The following CRTAP variants were observed in gnomAD, a reference collection of about 807,000 sequenced individuals.
The protein encoded by CRTAP is cartilage-associated protein.
A neutral mutation model predicts 42.7 loss-of-function variants in CRTAP; 33 were observed. That is an observed-to-expected ratio of 0.77 (90% CI 0.59 to 1.03). The LOEUF (loss-of-function observed/expected upper bound fraction) is 1.03. CRTAP is among the 50% of genes least tolerant of loss of function. The pLI is 0.00. For synonymous variants in CRTAP, 243 were observed against 217.7 expected, an observed-to-expected ratio of 1.12 and a Z score of -1.02; for missense variants, 613 against 533.9, an observed-to-expected ratio of 1.15 and a Z score of -1.46.
At chr3:33,129,913 C>T in intron 3 of CRTAP, 26 bp from the exon 4 acceptor site, 4 of 1,608,898 alleles carry the variant, frequency 2.5e-6, no homozygotes, top group Non-Finnish European at 3.4e-6. Context: ...ATCCACTGCT[C>T]TGAAAATTTA....
chr3:33,133,261 CTTTTTT>C (rs11316535), intron 5 of CRTAP, among the ~76,000 whole-genome samples: 2 of 134,466 alleles, frequency 1.5e-5, no homozygotes, highest in Non-Finnish European at 1.6e-5. Flanking sequence ...TTCTCTCTCT[CTTTTTT>C]TTTTTTTTTG....
chr3:33,122,215 G>C (rs2029898915), intron 2 of CRTAP, among the ~76,000 whole-genome samples: 1 of 152,032 alleles, frequency 6.6e-6, no homozygotes, highest in African/African-American at 2.4e-5. Flanking sequence ...GAGCCCTTTT[G>C]GGGTGGCTGT....
chr3:33,129,535 C>CT (rs753545426), intron 3 of CRTAP, among the ~76,000 whole-genome samples: 36,930 of 115,830 alleles, frequency 0.32, 7,750 homozygotes, highest in Non-Finnish European at 0.46. Flanking sequence ...TTTTCTTTTT[C>CT]TTTTTTTTTT....
intron 6 of CRTAP, among the ~76,000 whole-genome samples, chr3:33,134,708 A>G (rs922857271): frequency 6.6e-6 from 1 of 151,970 alleles, no homozygotes; most frequent in African/African-American, 2.4e-5. Flanking sequence ...TCCTGATTCC[A>G]CCTTACTCAG....
intron 4 of CRTAP, 102 bp from the exon 5 acceptor site, chr3:33,132,453 G>A (rs891021078): frequency 6.5e-7 from 1 of 1,529,672 alleles, no homozygotes; most frequent in African/African-American, 1.4e-5. Flanking sequence ...AAGAAGGACT[G>A]TGGAGAAGGG....
rs753473622 is a variant in CRTAP, at chr3:33,132,610, G to A, written c.978G>A (p.Gln326=). 1 of 1,614,174 alleles carries A rather than the reference G, an allele frequency of 6.2e-7. No individual in the cohort carries two copies. Among genetic ancestry groups the A allele is most frequent in the Non-Finnish European group, 8.5e-7 (1 of 1,180,014 alleles). ...CAGTCAGCTATCTGCTCTTTGATCA[G>A]AATGACAAGGTCATGCAGCAGAACC... ...PCAVSYLLFD[Q]NDKVMQQNLV... The change falls in exon 5 of 7, where the codon CAG becomes CAA. Residue 326 remains glutamine (Q), a synonymous_variant. Coordinates refer to ENST00000320954, the MANE Select transcript of CRTAP (RefSeq NM_006371.5).
At chr3:33,134,862 G>T (rs1055150989) in intron 6 of CRTAP, among the ~76,000 whole-genome samples, 1 of 152,184 alleles carries the variant, frequency 6.6e-6, no homozygotes, top group Admixed American at 6.5e-5. Flanking sequence ...GAAAGCTGGG[G>T]ACTTGTCAGC....
intron 5 of CRTAP, among the ~76,000 whole-genome samples, 154 bp downstream of exon 5, chr3:33,132,854 C>T (rs1575518811): frequency 1.3e-5 from 2 of 151,978 alleles, no homozygotes; most frequent in South Asian, 2.1e-4. Flanking sequence ...CCGAGGCGGG[C>T]GGATCATGAT....
chr3:33,114,449 G>A lies in CRTAP; in HGVS notation c.372G>A (p.Gln124=), dbSNP rs755889115. ...RRAHCLKRCK[Q]GLPAFRQSQP... ...CGCACTGCCTCAAGCGCTGCAAGCA[G>A]GGCCTGCCAGCCTTCCGCCAGTCCC... The change falls in exon 1 of 7, where the codon CAG becomes CAA. Residue 124 remains glutamine, a synonymous_variant. Transcript: ENST00000320954. 12 of 1,579,790 alleles carry A rather than the reference G, an allele frequency of 7.6e-6. No individual in the cohort carries two copies. In the African/African-American group the frequency reaches 1.1e-4, roughly 14 times the overall value.
At chr3:33,122,751 T>A (rs1311297306) in intron 2 of CRTAP, among the ~76,000 whole-genome samples, 4 of 150,394 alleles carry the variant, frequency 2.7e-5, no homozygotes, top group Non-Finnish European at 4.4e-5. Context: ...AAATCCACTG[T>A]CTTTACCTGA....
At chr3:33,136,331 G>C (rs1437666210) in intron 6 of CRTAP, among the ~76,000 whole-genome samples, 1 of 152,076 alleles carries the variant, frequency 6.6e-6, no homozygotes, top group Non-Finnish European at 1.5e-5. Context: ...TCCACTTTTT[G>C]GCTATTTTGA....
intron 6 of CRTAP, among the ~76,000 whole-genome samples, chr3:33,140,838 C>T (rs1474227363): frequency 3.3e-5 from 5 of 152,162 alleles, no homozygotes; most frequent in Admixed American, 2.0e-4. Flanking sequence ...TCAACAAATA[C>T]GTGGTCTCAG....
At chr3:33,115,647 G>T (rs1454474409) in intron 1 of CRTAP, among the ~76,000 whole-genome samples, 1 of 152,034 alleles carries the variant, frequency 6.6e-6, no homozygotes, top group Non-Finnish European at 1.5e-5. Context: ...GGAATATATT[G>T]TGTTTTTTAA....
chr3:33,129,416 T>C (rs1446928393), intron 3 of CRTAP, among the ~76,000 whole-genome samples: 2 of 152,230 alleles, frequency 1.3e-5, no homozygotes. Flanking sequence ...TAATAATTTC[T>C]ATTAATATCA....
intron 6 of CRTAP, among the ~76,000 whole-genome samples, chr3:33,138,432 T>C (rs1034985514): frequency 6.6e-6 from 1 of 152,172 alleles, no homozygotes; most frequent in Non-Finnish European, 1.5e-5. Flanking sequence ...AGTGTTTTCT[T>C]ATTTTATTAT....
intron 1 of CRTAP, among the ~76,000 whole-genome samples, chr3:33,119,421 C>T (rs146299769): frequency 6.6e-6 from 1 of 151,950 alleles, no homozygotes; most frequent in Non-Finnish European, 1.5e-5. Context: ...CAGAACTAGC[C>T]CAACAGAGAG....
chr3:33,129,063 A>G (rs1020857630), intron 3 of CRTAP, among the ~76,000 whole-genome samples: 2 of 152,156 alleles, frequency 1.3e-5, no homozygotes, highest in African/African-American at 4.8e-5. Flanking sequence ...TCCTCATCCT[A>G]TTGATTGGCA....
At chr3:33,134,505 C>G (rs1345993464) in intron 6 of CRTAP, among the ~76,000 whole-genome samples, 2 of 152,168 alleles carry the variant, frequency 1.3e-5, no homozygotes, top group Non-Finnish European at 2.9e-5. Flanking sequence ...TGGGGCCACA[C>G]TCCAGGAATT....
intron 6 of CRTAP, among the ~76,000 whole-genome samples, chr3:33,139,316 A>AG (rs2030508684): frequency 6.6e-6 from 1 of 152,038 alleles, no homozygotes; most frequent in Non-Finnish European, 1.5e-5. Flanking sequence ...GGAAAAAAAA[A>AG]GAAGTGGAGA....
Sources: allele counts gnomAD v4.1 joint callset (sites outside exome capture counted in the v4.1 genomes callset), GRCh38; gene constraint gnomAD v4.1.1; transcripts MANE v1.5; gene names NCBI Gene and HGNC (gene_info 2026-07-23, HGNC 2026-07-21).